The following AUTS2 variants were observed in gnomAD, a reference collection of about 807,000 sequenced individuals.
AUTS2 encodes activator of transcription and developmental regulator AUTS2.
A neutral mutation model predicts 112.4 loss-of-function variants in AUTS2; 17 were observed. That is an observed-to-expected ratio of 0.15 (90% confidence interval 0.10 to 0.23). The LOEUF (loss-of-function observed/expected upper bound fraction) is 0.23. AUTS2 is among the 10% of genes least tolerant of loss of function. AUTS2 has a pLI of 1.00. For missense variants in AUTS2, 1,510 were observed against 1,701.6 expected, an observed-to-expected ratio of 0.89 and a Z score of 1.98; for synonymous variants, 751 against 702.7, an observed-to-expected ratio of 1.07 and a Z score of -1.09.
intron 2 of AUTS2, among the ~76,000 whole-genome samples, chr7:69,968,430 A>G (rs1797715794): frequency 6.6e-6 from 1 of 152,230 alleles, no homozygotes; most frequent in Non-Finnish European, 1.5e-5. Context: ...GGAAAAGTGT[A>G]CTTTCTAATA....
chr7:70,063,462 C>T (rs2129561196), intron 2 of AUTS2, among the ~76,000 whole-genome samples: 1 of 152,234 alleles, frequency 6.6e-6, no homozygotes, highest in East Asian at 1.9e-4. Flanking sequence ...TTTCTCGTAT[C>T]CTGGCTTGTG....
intron 1 of AUTS2, among the ~76,000 whole-genome samples, chr7:69,751,571 T>A (rs966438918): frequency 2.0e-5 from 3 of 152,196 alleles, no homozygotes; most frequent in African/African-American, 7.2e-5. Flanking sequence ...GATGAAAGGA[T>A]GAATTATTGA....
chr7:70,405,469 A>G (rs925783663), intron 4 of AUTS2, among the ~76,000 whole-genome samples: 18 of 152,370 alleles, frequency 1.2e-4, no homozygotes, highest in African/African-American at 3.1e-4. Flanking sequence ...CAGAATGACT[A>G]AACTTTAAAG....
chr7:70,578,644 CT>C (rs1802284748), intron 5 of AUTS2, among the ~76,000 whole-genome samples: 1 of 151,652 alleles, frequency 6.6e-6, no homozygotes. Flanking sequence ...ATCAGTCCCC[CT>C]CTTCATTATT....
chr7:70,438,018 C>T (rs1418973230), intron 5 of AUTS2, among the ~76,000 whole-genome samples: 1 of 152,034 alleles, frequency 6.6e-6, no homozygotes, highest in Admixed American at 6.5e-5. Context: ...TGGGCCTCAT[C>T]CCAGGTCAAT....
At chr7:70,431,182 T>C (rs184614809) in intron 4 of AUTS2, among the ~76,000 whole-genome samples, 1 of 152,096 alleles carries the variant, frequency 6.6e-6, no homozygotes, top group East Asian at 1.9e-4. Context: ...ATTTTACTGA[T>C]TAAACTGAAA....
intron 1 of AUTS2, among the ~76,000 whole-genome samples, chr7:69,887,273 G>A (rs1290469593): frequency 1.3e-5 from 2 of 151,908 alleles, no homozygotes; most frequent in African/African-American, 2.4e-5. Context: ...AAAATTAGCC[G>A]GGCATGGTGA....
intron 17 of AUTS2, 82 bp downstream of exon 17, chr7:70,786,120 A>C: frequency 8.1e-7 from 1 of 1,236,338 alleles, no homozygotes; most frequent in Non-Finnish European, 1.2e-6. Context: ...CTTTCTAGAG[A>C]AAAGGAAACT....
intron 2 of AUTS2, among the ~76,000 whole-genome samples, chr7:69,964,838 C>G (rs1380477191): frequency 6.6e-6 from 1 of 152,028 alleles, no homozygotes; most frequent in South Asian, 2.1e-4. Flanking sequence ...ACCTTCCAAC[C>G]CCATAATTCC....
At chr7:69,651,100 A>C (rs569664167) in intron 1 of AUTS2, among the ~76,000 whole-genome samples, 2 of 152,234 alleles carry the variant, frequency 1.3e-5, no homozygotes, top group Non-Finnish European at 2.9e-5. Flanking sequence ...GATTTGGTTC[A>C]GAGTGAGGAG....
At chr7:70,785,911 A>G (rs778593054) in intron 16 of AUTS2, 44 bp from the exon 17 acceptor site, 37 of 1,596,172 alleles carry the variant, frequency 2.3e-5, no homozygotes, top group Admixed American at 3.3e-5. Context: ...TTCCTCTCCC[A>G]GCAGAGCCCC....
chr7:69,951,240 A>G (rs1797014232), intron 2 of AUTS2, among the ~76,000 whole-genome samples: 1 of 152,024 alleles, frequency 6.6e-6, no homozygotes, highest in Non-Finnish European at 1.5e-5. Flanking sequence ...GCTAATTATG[A>G]GGTATGGTGA....
intron 14 of AUTS2, among the ~76,000 whole-genome samples, chr7:70,777,978 T>A (rs1319853534): frequency 2.0e-5 from 3 of 152,218 alleles, no homozygotes; most frequent in African/African-American, 7.2e-5. Context: ...TGAACTGTCA[T>A]TGGTCCTCCT....
At chr7:70,550,022 G>T (rs1248189832) in intron 5 of AUTS2, among the ~76,000 whole-genome samples, 1 of 152,162 alleles carries the variant, frequency 6.6e-6, no homozygotes. Flanking sequence ...GACGAAGTAG[G>T]ACTTGAACAT....
chr7:70,739,804 TAAAAAAAAAAA>T (rs35729505), intron 6 of AUTS2, among the ~76,000 whole-genome samples: 1 of 139,588 alleles, frequency 7.2e-6, no homozygotes, highest in Non-Finnish European at 1.5e-5. Context: ...CTCTAATTGT[TAAAAAAAAAAA>T]AAAAAAAAAA....
intron 1 of AUTS2, among the ~76,000 whole-genome samples, chr7:69,793,749 A>C (rs1485461491): frequency 6.6e-6 from 1 of 152,094 alleles, no homozygotes; most frequent in Non-Finnish European, 1.5e-5. Context: ...TAAATGTTTA[A>C]ACATTTAAAA....
intron 1 of AUTS2, among the ~76,000 whole-genome samples, chr7:69,855,363 T>C (rs1426394849): frequency 6.6e-6 from 1 of 152,312 alleles, no homozygotes; most frequent in Admixed American, 6.5e-5. Context: ...AGAGATCTGT[T>C]TGAGCAGCCT....
chr7:69,683,592 A>C (rs1051304683), intron 1 of AUTS2, among the ~76,000 whole-genome samples: 23 of 152,110 alleles, frequency 1.5e-4, no homozygotes, highest in Non-Finnish European at 1.9e-4. Flanking sequence ...AAAAACCCCC[A>C]AAAACCCAAA....
chr7:69,816,027 C>A (rs1790746193), intron 1 of AUTS2, among the ~76,000 whole-genome samples: 1 of 152,146 alleles, frequency 6.6e-6, no homozygotes, highest in Non-Finnish European at 1.5e-5. Flanking sequence ...ATGTCACCTG[C>A]TACACAGTTT....
Sources: gnomAD v4.1 joint callset for allele counts (sites outside exome capture counted in the v4.1 genomes callset) on GRCh38, gnomAD v4.1.1 for gene constraint, MANE v1.5 for transcripts, NCBI Gene and HGNC (gene_info 2026-07-23, HGNC 2026-07-21) for gene names.